The following PCDH15 variants were observed in gnomAD, a reference collection of about 807,000 sequenced individuals.
PCDH15 encodes the protein protocadherin-15.
A neutral mutation model predicts 178.5 loss-of-function variants in PCDH15; 129 were observed. The observed-to-expected ratio is 0.72, with a 90% CI of 0.63 to 0.84. The LOEUF (loss-of-function observed/expected upper bound fraction) is 0.84. PCDH15 is among the 40% of genes least tolerant of loss of function. The pLI is 0.00. For missense variants in PCDH15, 2,230 were observed against 2,099.9 expected (o/e 1.06, Z -1.21); for synonymous variants, 800 against 732.0 (o/e 1.09, Z -1.50).
chr10:54,253,977 T>G (rs2056707597), intron 8 of PCDH15, among the ~76,000 whole-genome samples: 1 of 152,172 alleles, frequency 6.6e-6, no homozygotes, highest in Middle Eastern at 3.4e-3. Context: ...TGCATTAGCT[T>G]TAGGAAAAAT....
At chr10:54,951,530 T>C (rs1025783914) in intron 2 of PCDH15, among the ~76,000 whole-genome samples, 1 of 151,850 alleles carries the variant, frequency 6.6e-6, no homozygotes, top group African/African-American at 2.4e-5. Flanking sequence ...ACATTGTGGG[T>C]GAATTTTGGT....
chr10:53,970,031 G>C (rs1173116582), intron 21 of PCDH15, among the ~76,000 whole-genome samples: 2 of 152,096 alleles, frequency 1.3e-5, no homozygotes. Context: ...AATGTAAATG[G>C]GCTGAATGCT....
intron 2 of PCDH15, among the ~76,000 whole-genome samples, chr10:55,488,389 T>C (rs1428348103): frequency 6.6e-6 from 1 of 151,584 alleles, no homozygotes; most frequent in African/African-American, 2.4e-5. Flanking sequence ...GTTAGTACAT[T>C]AGCAGAACAT....
intron 1 of PCDH15, among the ~76,000 whole-genome samples, chr10:55,168,516 C>A (rs1839252576): frequency 6.6e-6 from 1 of 152,108 alleles, no homozygotes; most frequent in South Asian, 2.1e-4. Flanking sequence ...TAGATATTCC[C>A]CTAGGGGTTC....
Position 53,896,495 on chromosome 10 carries a change from C to T in PCDH15, c.3501+6748G>A, listed in dbSNP as rs149863734. 4.3e-3 allele frequency among the ~76,000 whole-genome samples: 659 copies of T among 152,234 alleles called. 4 individuals carry two copies. The highest frequency in any genetic ancestry group is 0.015 in the African/African-American group (631 of 41,556). ...TTGCTTCACTCAGTCATTTATAGCA[C>T]CCTTGTTGCAGGAGTCTGCTATTCT... On this transcript the variant is annotated intron_variant, in intron 26 of 37. Coordinates refer to ENST00000644397, the MANE Select transcript of PCDH15 (RefSeq NM_001384140.1).
intron 2 of PCDH15, among the ~76,000 whole-genome samples, chr10:54,543,579 C>G (rs2085506767): frequency 6.6e-6 from 1 of 152,178 alleles, no homozygotes; most frequent in Admixed American, 6.5e-5. Flanking sequence ...CTACCTATGT[C>G]AACTGTTTTT....
intron 2 of PCDH15, among the ~76,000 whole-genome samples, chr10:55,116,685 G>A (rs1163518254): frequency 6.6e-6 from 1 of 152,146 alleles, no homozygotes; most frequent in African/African-American, 2.4e-5. Flanking sequence ...TCATGGAAAA[G>A]GGTAATGAAG....
chr10:54,195,307 T>C lies in PCDH15; in HGVS notation c.1305+376A>G, dbSNP rs556402128. Among the ~76,000 whole-genome samples the C allele has an allele frequency of 8.5e-5, 13 of 152,268 alleles. No homozygotes were observed. The East Asian group carries it at 2.5e-3, about 29-fold the overall frequency. ...AGACTTGAAGAAAAGTCTCTGAGAA[T>C]CACAATCTAGGGGTGCTTTCATGAT... On this transcript the variant is annotated intron_variant, in intron 11 of 37. Coordinates refer to ENST00000644397, the MANE Select transcript of PCDH15 (RefSeq NM_001384140.1).
chr10:53,850,728 G>C (rs1274104316), intron 28 of PCDH15, among the ~76,000 whole-genome samples: 1 of 151,892 alleles, frequency 6.6e-6, no homozygotes, highest in Non-Finnish European at 1.5e-5. Context: ...TATTAAAATG[G>C]GTGTGCTGCA....
chr10:54,777,112 G>A (rs1949794769), intron 1 of PCDH15, among the ~76,000 whole-genome samples: 1 of 152,214 alleles, frequency 6.6e-6, no homozygotes, highest in African/African-American at 2.4e-5. Context: ...GACTTAGGTG[G>A]TTATTCTGGA....
intron 14 of PCDH15, among the ~76,000 whole-genome samples, chr10:54,147,403 G>A (rs1242675572): frequency 6.6e-6 from 1 of 151,542 alleles, no homozygotes; most frequent in Non-Finnish European, 1.5e-5. Context: ...TTTCTGGCGT[G>A]GAATACAATT....
chr10:54,433,296 G>C lies in PCDH15; in HGVS notation c.158-54354C>G, dbSNP rs527633206. 1.1e-4 allele frequency among the ~76,000 whole-genome samples: 16 copies of C among 152,244 alleles called. No homozygotes were observed. The East Asian group carries it at 3.1e-3, about 29-fold the overall frequency. On this transcript the variant is annotated intron_variant, in intron 3 of 37. Coordinates refer to ENST00000644397, the MANE Select transcript of PCDH15 (RefSeq NM_001384140.1). The stretch of plus-strand genomic sequence containing the variant: ...TGTTTGGCCAGCACTGTTCACAAAA[G>C]CCAAGATTTGGAGGCAAAGTGTCCA...
intron 3 of PCDH15, among the ~76,000 whole-genome samples, chr10:54,506,925 G>A (rs565124774): frequency 1.6e-4 from 25 of 151,746 alleles, no homozygotes; most frequent in Non-Finnish European, 2.4e-4. Context: ...TTCTTTTTAT[G>A]GGCAAAACAT....
upstream of PCDH15, among the ~76,000 whole-genome samples, chr10:54,804,938 T>TATATATAC: frequency 7.9e-6 from 1 of 126,416 alleles, no homozygotes; most frequent in South Asian, 2.7e-4. Flanking sequence ...TATATATATA[T>TATATATAC]ATATATATAT....
intron 31 of PCDH15, among the ~76,000 whole-genome samples, chr10:53,828,179 C>T (rs888384050): frequency 2.4e-5 from 3 of 127,386 alleles, no homozygotes; most frequent in African/African-American, 9.5e-5. Flanking sequence ...GCACTCCATC[C>T]TGGCCAACAA....
chr10:55,330,817 C>T (rs969917617), intron 2 of PCDH15, among the ~76,000 whole-genome samples: 1 of 146,918 alleles, frequency 6.8e-6, no homozygotes, highest in African/African-American at 2.5e-5. Context: ...CATTATCTCT[C>T]TTAAATAGAT....
intron 1 of PCDH15, among the ~76,000 whole-genome samples, chr10:55,265,263 T>C (rs143294608): frequency 6.6e-6 from 1 of 150,492 alleles, no homozygotes; most frequent in Non-Finnish European, 1.5e-5. Flanking sequence ...ATGACCATGA[T>C]AGATACAGAG....
At chr10:55,482,615 T>G (rs750658544) in intron 2 of PCDH15, among the ~76,000 whole-genome samples, 1 of 151,820 alleles carries the variant, frequency 6.6e-6, no homozygotes, top group Non-Finnish European at 1.5e-5. Context: ...GATTGGAATT[T>G]TTTTCCTTTA....
intron 8 of PCDH15, among the ~76,000 whole-genome samples, chr10:54,247,886 G>A (rs11004178): frequency 0.039 from 5,530 of 141,656 alleles, 294 homozygotes; most frequent in African/African-American, 0.12. Flanking sequence ...AAAGAAATAT[G>A]TATATATATA....
Sources: allele counts gnomAD v4.1 joint callset (sites outside exome capture counted in the v4.1 genomes callset), GRCh38; gene constraint gnomAD v4.1.1; transcripts MANE v1.5; gene names NCBI Gene and HGNC (gene_info 2026-07-23, HGNC 2026-07-21).